SPTLC1: variants seen among roughly 807,000 people sequenced by gnomAD.
SPTLC1 encodes serine palmitoyltransferase long chain base subunit 1.
SPTLC1 carries 55 observed loss-of-function variants against 68.9 expected under a neutral mutation model. That is an observed-to-expected ratio of 0.80 (90% CI 0.64 to 1.00). The LOEUF is 1.00. Among genes scored for constraint, SPTLC1 ranks in the 50% least tolerant of loss-of-function variants. The pLI, the probability that SPTLC1 is intolerant of heterozygous loss-of-function variation, is 0.00. For synonymous variants in SPTLC1, 197 were observed against 201.6 expected (o/e 0.98, Z 0.19); for missense variants, 449 against 573.1 (o/e 0.78, Z 2.21).
chr9:92,072,386 G>A (rs865830887), intron 5 of SPTLC1, among the ~76,000 whole-genome samples: 2 of 152,062 alleles, frequency 1.3e-5, no homozygotes, highest in Admixed American at 6.5e-5. Flanking sequence ...CGTTGGTCAC[G>A]GACTCTTCTT....
chr9:92,050,021 C>T lies in SPTLC1; in HGVS notation c.827G>A (p.Ser276Asn). The change falls in exon 9 of 15, where the codon AGC becomes AAC. Residue 276 changes from serine to asparagine, a missense_variant. Transcript: ENST00000262554. The stretch of plus-strand genomic sequence containing the variant: ...CTCTCCTAGGACTCCAAATGAAAGG[C>T]TTTCCTCCAGGAAGATTCTTGCTTT... Reference protein sequence around the residue: ...KYKARIFLEESLSFGVLGEHG... With the variant: ...KYKARIFLEENLSFGVLGEHG... 1 of 1,614,010 alleles carries T rather than the reference C, an allele frequency of 6.2e-7. No homozygotes were observed. Among genetic ancestry groups the T allele is most frequent in the East Asian group, 2.2e-5 (1 of 44,882 alleles).
At position 92,059,598 on chromosome 9, in the gene SPTLC1, C is replaced by T. The variant is rs143255333; in HGVS notation, c.561-290G>A. Among the ~76,000 whole-genome samples, 266 of 152,304 alleles carry T rather than the reference C, an allele frequency of 1.7e-3. 2 individuals carry two copies. Among genetic ancestry groups the T allele is most frequent in the Middle Eastern group, 6.8e-3 (2 of 294 alleles). ...GATGACATATCAGTTTATTCACATA[C>T]TTTTCTCTTTCTAAGAAACATAAAA... On this transcript the variant is annotated intron_variant, in intron 6 of 14. Transcript: ENST00000262554.
At chr9:92,049,937 G>A (rs773387352) in intron 9 of SPTLC1, 23 bp downstream of exon 9, 6 of 1,458,508 alleles carry the variant, frequency 4.1e-6, no homozygotes, top group Non-Finnish European at 3.8e-6. Context: ...GAGGGGAAAC[G>A]TTCTTAAAAA....
intron 6 of SPTLC1, among the ~76,000 whole-genome samples, chr9:92,067,734 C>T (rs896059877): frequency 6.6e-6 from 1 of 152,186 alleles, no homozygotes; most frequent in African/African-American, 2.4e-5. Flanking sequence ...TAGCTGTCCT[C>T]ATCTGGACAT....
At chr9:92,054,229 C>T (rs550354252) in intron 8 of SPTLC1, among the ~76,000 whole-genome samples, 8 of 152,188 alleles carry the variant, frequency 5.3e-5, no homozygotes, top group South Asian at 4.1e-4. Flanking sequence ...TGCGGTGAGC[C>T]GAGATCGTGC....
At chr9:92,100,374 G>A (rs1835703389) in intron 3 of SPTLC1, among the ~76,000 whole-genome samples, 1 of 152,170 alleles carries the variant, frequency 6.6e-6, no homozygotes, top group Admixed American at 6.5e-5. Context: ...ATGAACTAGT[G>A]GTCACTGCCT....
intron 13 of SPTLC1, 61 bp from the exon 14 acceptor site, chr9:92,034,944 G>T: frequency 1.5e-6 from 2 of 1,349,234 alleles, no homozygotes; most frequent in Middle Eastern, 1.8e-4. Context: ...TAATTAAACT[G>T]GGGGAACGCT....
chr9:92,079,751 G>C (rs1834812358), intron 5 of SPTLC1: 1 of 672,106 alleles, frequency 1.5e-6, no homozygotes, highest in East Asian at 2.7e-5. Context: ...GAGTACTGCT[G>C]CTCTGCACTC....
chr9:92,086,921 T>C (rs1334902512), intron 3 of SPTLC1, among the ~76,000 whole-genome samples: 1 of 152,244 alleles, frequency 6.6e-6, no homozygotes, highest in Non-Finnish European at 1.5e-5. Context: ...GTCCCATATT[T>C]CTTGGAGGCT....
At chr9:92,051,707 T>C (rs892498606) in intron 8 of SPTLC1, among the ~76,000 whole-genome samples, 2 of 152,216 alleles carry the variant, frequency 1.3e-5, no homozygotes, top group Admixed American at 1.3e-4. Flanking sequence ...TGTAATCTTA[T>C]ACATAGAATA....
intron 5 of SPTLC1, among the ~76,000 whole-genome samples, chr9:92,074,758 T>C (rs1445819600): frequency 6.6e-6 from 1 of 152,122 alleles, no homozygotes; most frequent in Non-Finnish European, 1.5e-5. Flanking sequence ...AAGACCTTCG[T>C]TTCATCAATC....
intron 3 of SPTLC1, among the ~76,000 whole-genome samples, chr9:92,081,651 G>T (rs1834888909): frequency 6.6e-6 from 1 of 152,152 alleles, no homozygotes; most frequent in East Asian, 1.9e-4. Context: ...CTCAAATTAT[G>T]GGTTGCAAAC....
At chr9:92,094,549 G>A (rs1052462166) in intron 3 of SPTLC1, among the ~76,000 whole-genome samples, 1 of 152,194 alleles carries the variant, frequency 6.6e-6, no homozygotes, top group Non-Finnish European at 1.5e-5. Flanking sequence ...TCTTGGCAGT[G>A]TCTTGGCATT....
rs925136132 is a variant in SPTLC1 at position 92,105,118 on chromosome 9, T to C, written c.260+3622A>G. 8.5e-6 allele frequency: 13 copies of C among 1,533,482 alleles called. No individual in the cohort carries two copies. In the African/African-American group the frequency reaches 1.2e-4, roughly 15 times the overall value. The allele number at this position is 1,533,482 out of a possible 1,614,324, so 95.0% of individuals were successfully genotyped here. On this transcript the variant is annotated intron_variant, in intron 3 of 14. Coordinates refer to ENST00000262554, the MANE Select transcript of SPTLC1 (RefSeq NM_006415.4). Reference sequence around the variant, plus strand: ...ACATGCAGCCCAAGGATCCTGCAGCTCTTGGATCAAGTAGGTCTTCTCCAC... The same window carrying C: ...ACATGCAGCCCAAGGATCCTGCAGCCCTTGGATCAAGTAGGTCTTCTCCAC...
At chr9:92,040,208 A>G (rs1012355177) in intron 12 of SPTLC1, among the ~76,000 whole-genome samples, 4 of 151,930 alleles carry the variant, frequency 2.6e-5, no homozygotes. Flanking sequence ...TGTCTCTACT[A>G]AAAATATAAA....
intron 12 of SPTLC1, among the ~76,000 whole-genome samples, chr9:92,045,300 C>G (rs1280991410): frequency 6.6e-6 from 1 of 150,804 alleles, no homozygotes; most frequent in African/African-American, 2.4e-5. Context: ...AATGTGAAAT[C>G]ACTTTATATA....
intron 11 of SPTLC1, 41 bp from the exon 12 acceptor site, chr9:92,046,094 A>G: frequency 4.0e-6 from 6 of 1,505,590 alleles, no homozygotes; most frequent in Non-Finnish European, 5.5e-6. Flanking sequence ...TTTGAAACTT[A>G]TGATAGTACT....
intron 3 of SPTLC1, among the ~76,000 whole-genome samples, chr9:92,098,542 G>A (rs916342509): frequency 1.3e-5 from 2 of 151,858 alleles, no homozygotes; most frequent in South Asian, 2.1e-4. Flanking sequence ...TTTACATAAT[G>A]TTCTTGATGA....
At chr9:92,055,607 G>A in intron 7 of SPTLC1, 113 bp from the exon 8 acceptor site, 2 of 1,031,632 alleles carry the variant, frequency 1.9e-6, no homozygotes, top group Non-Finnish European at 2.9e-6. Context: ...AAAATATTCT[G>A]AATGAATTGA....
Sources: allele counts gnomAD v4.1 joint callset (sites outside exome capture counted in the v4.1 genomes callset), GRCh38; gene constraint gnomAD v4.1.1; transcripts MANE v1.5; gene names NCBI Gene and HGNC (gene_info 2026-07-23, HGNC 2026-07-21).